The following KLHL13 variants were observed in gnomAD, a reference collection of about 807,000 sequenced individuals.
The protein encoded by KLHL13 is kelch-like protein 13.
A neutral mutation model predicts 37.1 loss-of-function variants in KLHL13; 10 were observed. The ratio of observed to expected loss-of-function variants is 0.27; its 90% CI spans 0.17 to 0.46. The LOEUF (loss-of-function observed/expected upper bound fraction) is 0.46. KLHL13 is among the 20% of genes least tolerant of loss of function. KLHL13 has a pLI of 1.00. For missense variants in KLHL13, 360 were observed against 509.3 expected (o/e 0.71, Z 2.82); for synonymous variants, 163 against 181.2 (o/e 0.90, Z 0.81).
intron 1 of KLHL13, among the ~76,000 whole-genome samples, chrX:118,057,741 G>A (rs771191128): frequency 1.1e-4 from 12 of 110,554 alleles, no homozygotes; most frequent in Non-Finnish European, 1.9e-4. Flanking sequence ...CAGGAGAATG[G>A]TGTGAACCTG....
At chrX:118,083,353 T>C (rs2055018085) in intron 1 of KLHL13, among the ~76,000 whole-genome samples, 1 of 111,863 alleles carries the variant, frequency 8.9e-6, no homozygotes, top group East Asian at 2.8e-4. Flanking sequence ...AATGGATAAA[T>C]TAATTTTTAA....
At chrX:117,964,507 A>G (rs1219006901) in intron 1 of KLHL13, among the ~76,000 whole-genome samples, 1 of 112,442 alleles carries the variant, frequency 8.9e-6, no homozygotes. Context: ...TCCTCAGCAG[A>G]GTTATGCCTG....
intron 5 of KLHL13, among the ~76,000 whole-genome samples, chrX:117,908,637 A>T (rs1437760220): frequency 1.8e-5 from 2 of 111,921 alleles, no homozygotes; most frequent in Admixed American, 1.9e-4. Flanking sequence ...AGTATTCTAC[A>T]TCAAAGTACA....
chrX:117,963,728 T>C (rs2053349884), intron 1 of KLHL13, among the ~76,000 whole-genome samples: 1 of 97,191 alleles, frequency 1.0e-5, no homozygotes, highest in African/African-American at 3.8e-5. Context: ...CTCCAGCACC[T>C]GTTGTTTCCT....
At chrX:118,011,514 T>C (rs891553081) in intron 1 of KLHL13, among the ~76,000 whole-genome samples, 12 of 109,639 alleles carry the variant, frequency 1.1e-4, no homozygotes, top group Admixed American at 5.9e-4. Context: ...ATTTTAATGA[T>C]CTAGCTGACA....
intron 4 of KLHL13, among the ~76,000 whole-genome samples, chrX:117,913,584 G>A (rs978256103): frequency 3.6e-5 from 4 of 112,188 alleles, no homozygotes; most frequent in African/African-American, 1.3e-4. Flanking sequence ...GGTGGCTCAC[G>A]CCTGTAATCC....
chrX:117,964,195 A>T (rs1602602375), intron 1 of KLHL13, among the ~76,000 whole-genome samples: 3 of 107,383 alleles, frequency 2.8e-5, no homozygotes, highest in East Asian at 2.9e-4. Context: ...AGTATAATAA[A>T]AAAAAAAAAA....
chrX:118,115,713 A>T (rs150621964), intron 1 of KLHL13, among the ~76,000 whole-genome samples: 1 of 112,738 alleles, frequency 8.9e-6, no homozygotes, highest in Non-Finnish European at 1.9e-5. Flanking sequence ...AGGCCTGCTC[A>T]GCAGCCAGGG....
upstream of KLHL13, among the ~76,000 whole-genome samples, chrX:117,977,884 T>G (rs1174673191): frequency 8.9e-6 from 1 of 112,400 alleles, no homozygotes. Flanking sequence ...CTATGTACAC[T>G]TATACACTTA....
chrX:118,093,153 T>C (rs1450658393), intron 1 of KLHL13, among the ~76,000 whole-genome samples: 1 of 111,877 alleles, frequency 8.9e-6, no homozygotes, highest in Non-Finnish European at 1.9e-5. Flanking sequence ...CATTGCTAAT[T>C]TGTCATTTAC....
chrX:118,018,740 C>T (rs1344135849), intron 1 of KLHL13, among the ~76,000 whole-genome samples: 26 of 111,093 alleles, frequency 2.3e-4, no homozygotes, highest in Admixed American at 2.2e-3. Context: ...ATTTTTGTTA[C>T]GGCTATTATA....
intron 1 of KLHL13, among the ~76,000 whole-genome samples, chrX:118,093,071 T>G (rs1240923784): frequency 8.9e-6 from 1 of 111,814 alleles, no homozygotes; most frequent in African/African-American, 3.2e-5. Context: ...CTTTAATTAT[T>G]TGCCAAAATA....
upstream of KLHL13, among the ~76,000 whole-genome samples, chrX:117,974,152 C>A (rs914575748): frequency 1.8e-5 from 2 of 111,621 alleles, no homozygotes; most frequent in African/African-American, 6.5e-5. Context: ...ATTTTCTACA[C>A]AATTCTAAAA....
chrX:118,006,558 C>A (rs1245426072), intron 1 of KLHL13, among the ~76,000 whole-genome samples: 1 of 111,668 alleles, frequency 9.0e-6, no homozygotes, highest in East Asian at 2.8e-4. Flanking sequence ...ATTTGTGGAG[C>A]CACAGCTATT....
chrX:118,031,737 G>A (rs1158763018), intron 1 of KLHL13, among the ~76,000 whole-genome samples: 1 of 105,366 alleles, frequency 9.5e-6, no homozygotes, highest in African/African-American at 3.5e-5. Flanking sequence ...AGCGGAGGGA[G>A]CCAAGATGGC....
chrX:118,075,289 T>C (rs567514894), intron 1 of KLHL13, among the ~76,000 whole-genome samples: 210 of 111,660 alleles, frequency 1.9e-3, no homozygotes, highest in Non-Finnish European at 3.3e-3. Flanking sequence ...GAAGGGTTTA[T>C]GTGTAACTCA....
intron 5 of KLHL13, among the ~76,000 whole-genome samples, chrX:117,909,017 G>C (rs778039806): frequency 8.9e-6 from 1 of 111,825 alleles, no homozygotes; most frequent in South Asian, 3.7e-4. Flanking sequence ...AATGAGCTAA[G>C]TATACTCTTT....
intron 1 of KLHL13, among the ~76,000 whole-genome samples, chrX:118,013,316 A>T (rs1171744453): frequency 8.9e-6 from 1 of 112,154 alleles, no homozygotes; most frequent in Admixed American, 9.5e-5. Context: ...AGGATATTTA[A>T]GTAAAGATCT....
intron 1 of KLHL13, among the ~76,000 whole-genome samples, chrX:118,045,371 C>A (rs1186983223): frequency 1.5e-4 from 11 of 72,528 alleles, no homozygotes; most frequent in African/African-American, 3.9e-4. Context: ...AAGACTCCAT[C>A]AAAAAAAAAA....
Sources: allele counts gnomAD v4.1 joint callset (sites outside exome capture counted in the v4.1 genomes callset), GRCh38; gene constraint gnomAD v4.1.1; transcripts MANE v1.5; gene names NCBI Gene and HGNC (gene_info 2026-07-23, HGNC 2026-07-21).